The following RIT2 variants were observed in gnomAD, a reference collection of about 807,000 sequenced individuals.
The protein encoded by RIT2 is GTP-binding protein Rit2.
In RIT2, 24 loss-of-function variants were observed where a neutral mutation model predicts 23.7. The observed-to-expected ratio is 1.01, with a 90% CI of 0.73 to 1.43. The LOEUF is 1.43. RIT2 is among the 40% of genes most tolerant of loss of function. RIT2 has a pLI of 0.00. For missense variants in RIT2, 236 were observed against 266.9 expected (o/e 0.88, Z 0.81); for synonymous variants, 107 against 91.1 (o/e 1.17, Z -0.99).
At chr18:42,924,261 A>G (rs1909128150) in intron 3 of RIT2, among the ~76,000 whole-genome samples, 1 of 152,164 alleles carries the variant, frequency 6.6e-6, no homozygotes, top group Non-Finnish European at 1.5e-5. Flanking sequence ...CTACTCAAAA[A>G]TATGAAAATG....
chr18:42,900,623 G>C (rs965839380), intron 4 of RIT2, among the ~76,000 whole-genome samples: 3 of 151,802 alleles, frequency 2.0e-5, no homozygotes, highest in Non-Finnish European at 4.4e-5. Context: ...TCTAATACAG[G>C]CTTCCTTAAA....
chr18:43,066,370 C>G (rs535299683), intron 1 of RIT2, among the ~76,000 whole-genome samples: 1 of 152,220 alleles, frequency 6.6e-6, no homozygotes, highest in East Asian at 1.9e-4. Context: ...TGTAAACCAC[C>G]ATTTAAGAAG....
chr18:42,939,409 T>C (rs1182746219), intron 3 of RIT2, among the ~76,000 whole-genome samples: 2 of 152,176 alleles, frequency 1.3e-5, no homozygotes. Flanking sequence ...TACCTGGGCA[T>C]AGTAAGAACC....
At chr18:42,924,395 A>G (rs530141) in intron 3 of RIT2, among the ~76,000 whole-genome samples, 27,316 of 151,662 alleles carry the variant, frequency 0.18, 3,082 homozygotes, top group East Asian at 0.36. Flanking sequence ...AAGGATCTGG[A>G]TTGCTGAGGG....
intron 1 of RIT2, among the ~76,000 whole-genome samples, chr18:43,036,656 G>GA (rs1911984016): frequency 6.6e-6 from 1 of 151,628 alleles, no homozygotes; most frequent in Admixed American, 6.6e-5. Context: ...TTGTATAATT[G>GA]AAAAAAGCCC....
intron 1 of RIT2, among the ~76,000 whole-genome samples, chr18:43,094,470 T>C (rs1913503276): frequency 6.6e-6 from 1 of 151,924 alleles, no homozygotes; most frequent in Admixed American, 6.6e-5. Context: ...TGAATTGACA[T>C]TAGAAGGGTT....
intron 4 of RIT2, among the ~76,000 whole-genome samples, chr18:42,872,838 C>G (rs1598693326): frequency 6.6e-6 from 1 of 152,120 alleles, no homozygotes; most frequent in African/African-American, 2.4e-5. Context: ...TCATGCAGCA[C>G]TTGTTTTTAT....
chr18:43,071,813 G>C (rs1359443814), intron 1 of RIT2, among the ~76,000 whole-genome samples: 2 of 152,066 alleles, frequency 1.3e-5, no homozygotes, highest in Non-Finnish European at 2.9e-5. Context: ...AGGGTCTATA[G>C]ATTTCATCAG....
chr18:43,108,523 A>T (rs1211734024), intron 1 of RIT2, among the ~76,000 whole-genome samples: 1 of 152,150 alleles, frequency 6.6e-6, no homozygotes, highest in East Asian at 1.9e-4. Context: ...GCTCAGCAAC[A>T]TGTGGGCTCA....
intron 2 of RIT2, among the ~76,000 whole-genome samples, chr18:42,995,215 A>G (rs976121489): frequency 2.6e-5 from 4 of 152,018 alleles, no homozygotes; most frequent in Admixed American, 2.6e-4. Context: ...TCTATCCTCA[A>G]AGAAATAACT....
intron 1 of RIT2, among the ~76,000 whole-genome samples, chr18:43,067,854 T>C (rs769250005): frequency 6.6e-6 from 1 of 152,134 alleles, no homozygotes; most frequent in African/African-American, 2.4e-5. Context: ...AGGTTAACTT[T>C]GGGGTGCCCC....
chr18:43,100,132 A>G (rs529050403), intron 1 of RIT2, among the ~76,000 whole-genome samples: 1 of 152,234 alleles, frequency 6.6e-6, no homozygotes, highest in Non-Finnish European at 1.5e-5. Context: ...GGACCAAAGA[A>G]ACGGAGATTT....
chr18:43,017,715 G>C (rs1428270777), intron 2 of RIT2, among the ~76,000 whole-genome samples: 2 of 151,940 alleles, frequency 1.3e-5, no homozygotes, highest in Non-Finnish European at 2.9e-5. Context: ...AGACTTATGT[G>C]GTAGGGAGAG....
chr18:43,109,353 A>T (rs937554629), intron 1 of RIT2, among the ~76,000 whole-genome samples: 2 of 152,152 alleles, frequency 1.3e-5, no homozygotes, highest in African/African-American at 4.8e-5. Context: ...ACTTTTTCAC[A>T]GTTAACTGAA....
intron 1 of RIT2, among the ~76,000 whole-genome samples, chr18:43,091,910 T>C (rs1197235140): frequency 1.3e-5 from 2 of 151,900 alleles, no homozygotes; most frequent in Non-Finnish European, 2.9e-5. Context: ...TCTAGGTTTT[T>C]AAGCACTATC....
chr18:43,114,067 C>A (rs1333901123), intron 1 of RIT2, among the ~76,000 whole-genome samples: 7 of 152,088 alleles, frequency 4.6e-5, no homozygotes, highest in Non-Finnish European at 1.0e-4. Context: ...TTGATTCCTT[C>A]CTTCTCAAAT....
intron 4 of RIT2, among the ~76,000 whole-genome samples, chr18:42,915,386 G>A (rs1308085797): frequency 6.6e-6 from 1 of 151,966 alleles, no homozygotes; most frequent in Non-Finnish European, 1.5e-5. Context: ...GAAGTGACTG[G>A]TTAAAAATTA....
chr18:42,950,319 G>T (rs937227476), intron 3 of RIT2, among the ~76,000 whole-genome samples: 1 of 152,052 alleles, frequency 6.6e-6, no homozygotes, highest in Non-Finnish European at 1.5e-5. Flanking sequence ...TCAATAAATG[G>T]TGCTGAGAGA....
chr18:42,838,641 G>C (rs955024001), intron 4 of RIT2, among the ~76,000 whole-genome samples: 3 of 152,058 alleles, frequency 2.0e-5, no homozygotes, highest in African/African-American at 7.2e-5. Context: ...CATCAAAACA[G>C]CTTTGTCTCA....
Sources: allele counts gnomAD v4.1 joint callset (sites outside exome capture counted in the v4.1 genomes callset), GRCh38; gene constraint gnomAD v4.1.1; transcripts MANE v1.5; gene names NCBI Gene and HGNC (gene_info 2026-07-23, HGNC 2026-07-21).